Variants in RFTN1 observed in about 807,000 individuals in gnomAD.
RFTN1 encodes the protein raftlin, lipid raft linker 1.
Under a neutral mutation model 46.5 loss-of-function variants are expected in RFTN1, and 26 were observed. That is an observed-to-expected ratio of 0.56 (90% CI 0.41 to 0.78). RFTN1 has a LOEUF of 0.78. Ranked by LOEUF, RFTN1 falls within the 30% of genes least tolerant of loss-of-function variation. The pLI, the probability that RFTN1 is intolerant of heterozygous loss-of-function variation, is 0.00. For missense variants in RFTN1, 693 were observed against 718.7 expected (o/e 0.96, Z 0.41); for synonymous variants, 261 against 284.2 (o/e 0.92, Z 0.82).
chr3:16,477,252 G>A (rs1296517058), intron 2 of RFTN1, among the ~76,000 whole-genome samples: 2 of 152,102 alleles, frequency 1.3e-5, no homozygotes, highest in Non-Finnish European at 2.9e-5. Flanking sequence ...AGGTTGCTGG[G>A]GATTTTCCAC....
chr3:16,399,675 C>T (rs775151175), intron 4 of RFTN1, among the ~76,000 whole-genome samples: 2 of 152,156 alleles, frequency 1.3e-5, no homozygotes, highest in African/African-American at 4.8e-5. Context: ...CATCCATGAC[C>T]GTGGTTTCAG....
Position 16,422,762 on chromosome 3 carries a change from G to T in RFTN1, c.332+11089C>A, listed in dbSNP as rs539548887. Among the ~76,000 whole-genome samples, 1 of 152,320 alleles carries T rather than the reference G, an allele frequency of 6.6e-6. No individual in the cohort carries two copies. Among genetic ancestry groups the T allele is most frequent in the South Asian group, 2.1e-4 (1 of 4,830 alleles). On this transcript the variant is annotated intron_variant, in intron 3 of 9. Coordinates refer to ENST00000334133, the MANE Select transcript of RFTN1 (RefSeq NM_015150.2). This position sits in a 1 kb window ranked among gnomAD's most constrained non-coding sequence, Gnocchi z 4.6. ...CAATAAAGAATCAGGAATAGATTGGGATGTACATATAGAAATCCTAACTAT... is the reference window on the plus strand; with the variant it reads ...CAATAAAGAATCAGGAATAGATTGGTATGTACATATAGAAATCCTAACTAT...
At position 16,513,605 on chromosome 3, in the gene RFTN1, C is replaced by A. The variant is rs1693772517; in HGVS notation, c.-172G>T. The A allele has an allele frequency of 6.6e-6, 1 of 152,170 alleles. No homozygotes were observed. The highest frequency in any genetic ancestry group is 6.6e-5 in the Admixed American group (1 of 15,230). 9.4% of individuals were successfully genotyped at this position (152,170 alleles called of 1,614,324 possible). ...TGGCGCCGCGTGGTCGTGTGTCTGT[C>A]CCTCCGGCGATCGGTGCGTCTGTCC... On this transcript the variant is annotated 5_prime_UTR_variant, in exon 1 of 10. Transcript: ENST00000334133. The surrounding 1 kb of genome is among the most constrained non-coding windows in gnomAD (Gnocchi z 5.4).
chr3:16,363,156 A>G (rs2072934933), intron 6 of RFTN1, among the ~76,000 whole-genome samples: 2 of 152,234 alleles, frequency 1.3e-5, no homozygotes, highest in Non-Finnish European at 1.5e-5. Flanking sequence ...AAAAAAGTCA[A>G]TGAACCAGAG....
chr3:16,438,649 T>C (rs1308713132), intron 2 of RFTN1, among the ~76,000 whole-genome samples: 6 of 134,692 alleles, frequency 4.5e-5, no homozygotes, highest in African/African-American at 8.1e-5. Flanking sequence ...GCTGCTCTCC[T>C]CACTGCCTGC....
In RFTN1 at chr3:16,356,466, T is replaced by A. The variant is rs545209849; in HGVS notation, c.1146+1466A>T. On this transcript the variant is annotated intron_variant, in intron 7 of 9. Transcript: ENST00000334133. This position sits in a 1 kb window ranked among gnomAD's most constrained non-coding sequence, Gnocchi z 4.9. The stretch of plus-strand genomic sequence containing the variant: ...TGCTATCACACTTGCAAGCAGTTAT[T>A]TCTCATCCCTGTTCAGACGCAGGTA... Among the ~76,000 whole-genome samples the A allele has an allele frequency of 6.6e-6, 1 of 150,608 alleles. No homozygotes were observed. The highest frequency in any genetic ancestry group is 2.0e-4 in the East Asian group (1 of 5,084).
At chr3:16,388,899 T>G (rs1436098091) in intron 4 of RFTN1, among the ~76,000 whole-genome samples, 1 of 152,200 alleles carries the variant, frequency 6.6e-6, no homozygotes, top group Non-Finnish European at 1.5e-5. Context: ...AATTACAAGC[T>G]TGGGGTTAAG....
intron 4 of RFTN1, among the ~76,000 whole-genome samples, chr3:16,395,609 CTAATTT>C (rs1432839679): frequency 6.6e-6 from 1 of 152,140 alleles, no homozygotes; most frequent in African/African-American, 2.4e-5. Flanking sequence ...CCATGCTCAG[CTAATTT>C]TATTTTTTAT....
At position 16,424,795 on chromosome 3, in the gene RFTN1, CATT is replaced by C. The variant is rs1482363933; in HGVS notation, c.332+9053_332+9055del. On this transcript the variant is annotated intron_variant, in intron 3 of 9. Transcript: ENST00000334133. The surrounding 1 kb of genome is among the most constrained non-coding windows in gnomAD (Gnocchi z 4.7). ...ATAAAAATCTCATGAACATTTAAAT[CATT>C]AATAATGTACTTATATACATCTAAA... is the stretch of plus-strand genomic sequence containing the variant. 6.6e-6 allele frequency among the ~76,000 whole-genome samples: 1 copy of C among 152,082 alleles called. No individual in the cohort carries two copies. The highest frequency in any genetic ancestry group is 2.4e-5 in the African/African-American group (1 of 41,428).
chr3:16,341,822 T>C lies in RFTN1; in HGVS notation c.1147-14946A>G, dbSNP rs1297232877. On this transcript the variant is annotated intron_variant, in intron 7 of 9. Coordinates refer to ENST00000334133, the MANE Select transcript of RFTN1 (RefSeq NM_015150.2). The surrounding 1 kb of genome is among the most constrained non-coding windows in gnomAD (Gnocchi z 4.7). ...TAACAGAAACATTTTCAGCATACAGTTACATACAAAAATGTATAACAGTTT... is the reference window on the plus strand; with the variant it reads ...TAACAGAAACATTTTCAGCATACAGCTACATACAAAAATGTATAACAGTTT... 6.6e-6 allele frequency among the ~76,000 whole-genome samples: 1 copy of C among 152,142 alleles called. No homozygotes were observed. Among genetic ancestry groups the C allele is most frequent in the African/African-American group, 2.4e-5 (1 of 41,432 alleles).
At chr3:16,445,330 T>C (rs1474827291) in intron 2 of RFTN1, among the ~76,000 whole-genome samples, 4 of 152,044 alleles carry the variant, frequency 2.6e-5, no homozygotes, top group African/African-American at 7.2e-5. Context: ...AAAAAGGAGA[T>C]ATAGGGAGGC....
At chr3:16,453,935 C>T (rs2075861789) in intron 2 of RFTN1, among the ~76,000 whole-genome samples, 1 of 152,212 alleles carries the variant, frequency 6.6e-6, no homozygotes, top group Non-Finnish European at 1.5e-5. Context: ...ATGCAAAATG[C>T]AAATAACATG....
chr3:16,501,627 C>T (rs1411139733), intron 1 of RFTN1, among the ~76,000 whole-genome samples: 1 of 152,174 alleles, frequency 6.6e-6, no homozygotes, highest in Non-Finnish European at 1.5e-5. Flanking sequence ...AGCTGGCAAC[C>T]CCATTTTTTA....
intron 6 of RFTN1, among the ~76,000 whole-genome samples, chr3:16,366,638 C>A (rs796500636): frequency 8.9e-6 from 1 of 111,782 alleles, no homozygotes; most frequent in Admixed American, 8.6e-5. Context: ...CTTCCTGCCA[C>A]CTTCTTGCTC....
chr3:16,457,160 C>T lies in RFTN1; in HGVS notation c.146-23123G>A, dbSNP rs2075922659. ...AAGTACAGATGACTAACTGCTTCTA[C>T]GCAGAGCTGTGCAGCGTTTCTACCA... On this transcript the variant is annotated intron_variant, in intron 2 of 9. Transcript: ENST00000334133. This position sits in a 1 kb window ranked among gnomAD's most constrained non-coding sequence, Gnocchi z 4.2. Among the ~76,000 whole-genome samples the T allele has an allele frequency of 6.6e-6, 1 of 152,198 alleles. No homozygotes were observed. Among genetic ancestry groups the T allele is most frequent in the Non-Finnish European group, 1.5e-5 (1 of 68,038 alleles).
rs575211384 is a variant in RFTN1 at position 16,344,099 on chromosome 3, T to C, written c.1146+13833A>G. The stretch of plus-strand genomic sequence containing the variant: ...GCAGTAGAGACATTCTTGGCCTGTA[T>C]TAACTCTTTTTCATTGGAATTGCTG... On this transcript the variant is annotated intron_variant, in intron 7 of 9. Transcript: ENST00000334133. The surrounding 1 kb of genome is among the most constrained non-coding windows in gnomAD (Gnocchi z 4.4). 6.6e-6 allele frequency among the ~76,000 whole-genome samples: 1 copy of C among 152,338 alleles called. No homozygotes were observed. Among genetic ancestry groups the C allele is most frequent in the South Asian group, 2.1e-4 (1 of 4,828 alleles).
intron 4 of RFTN1, among the ~76,000 whole-genome samples, chr3:16,397,514 T>A (rs747509585): frequency 1.5e-4 from 23 of 152,218 alleles, no homozygotes; most frequent in Non-Finnish European, 3.2e-4. Flanking sequence ...ATGGTAACTA[T>A]GCAAGATATA....
intron 6 of RFTN1, among the ~76,000 whole-genome samples, chr3:16,359,750 C>A (rs571838445): frequency 6.6e-6 from 1 of 152,138 alleles, no homozygotes; most frequent in East Asian, 1.9e-4. Flanking sequence ...ACAAACAAAG[C>A]GCATTTCAAT....
intron 4 of RFTN1, among the ~76,000 whole-genome samples, chr3:16,391,919 A>G (rs1379926045): frequency 6.9e-6 from 1 of 145,464 alleles, no homozygotes; most frequent in East Asian, 2.1e-4. Context: ...AAGAAAGCTA[A>G]GAATTTCAGA....
Sources: gnomAD v4.1 joint callset for allele counts (sites outside exome capture counted in the v4.1 genomes callset) on GRCh38, gnomAD v4.1.1 for gene constraint, Gnocchi (gnomAD v3.1) non-coding constraint, MANE v1.5 for transcripts, NCBI Gene and HGNC (gene_info 2026-07-23, HGNC 2026-07-21) for gene names.